The following WDFY3 variants were observed in gnomAD, a reference collection of about 807,000 sequenced individuals.
WDFY3 encodes the protein WD repeat and FYVE domain-containing protein 3.
Under a neutral mutation model 409.6 loss-of-function variants are expected in WDFY3, and 66 were observed. The observed-to-expected ratio is 0.16, with a 90% CI of 0.13 to 0.20. The LOEUF (loss-of-function observed/expected upper bound fraction) is 0.20. WDFY3 is among the 10% of genes least tolerant of loss of function. The pLI, the probability that WDFY3 is intolerant of heterozygous loss-of-function variation, is 1.00. For missense variants in WDFY3, 3,031 were observed against 4,298.1 expected, an observed-to-expected ratio of 0.71 and a Z score of 8.24; for synonymous variants, 1,521 against 1,537.1, an observed-to-expected ratio of 0.99 and a Z score of 0.25.
intron 3 of WDFY3, among the ~76,000 whole-genome samples, chr4:84,868,768 C>G (rs571893474): frequency 6.6e-6 from 1 of 152,110 alleles, no homozygotes; most frequent in Non-Finnish European, 1.5e-5. Flanking sequence ...ATCTTGGGAG[C>G]GGAAATTGCA....
chr4:84,915,405 C>G (rs1366613361), intron 2 of WDFY3, among the ~76,000 whole-genome samples: 1 of 152,068 alleles, frequency 6.6e-6, no homozygotes, highest in African/African-American at 2.4e-5. Flanking sequence ...TTAATTTGAT[C>G]TAAAGTCTAT....
chr4:84,939,717 C>T (rs1771876125), intron 1 of WDFY3, among the ~76,000 whole-genome samples: 2 of 151,520 alleles, frequency 1.3e-5, no homozygotes, highest in Non-Finnish European at 3.0e-5. Flanking sequence ...GTGACATGTT[C>T]TTATTTAAAA....
chr4:84,739,342 T>A (rs367759591), intron 39 of WDFY3: 2 of 463,856 alleles, frequency 4.3e-6, no homozygotes, highest in Non-Finnish European at 7.8e-6. Flanking sequence ...ATCAAGATTA[T>A]TACCTTAATA....
At chr4:84,943,727 A>C (rs1011975326) in intron 1 of WDFY3, among the ~76,000 whole-genome samples, 40 of 152,308 alleles carry the variant, frequency 2.6e-4, no homozygotes, top group African/African-American at 8.9e-4. Flanking sequence ...AACAAAAAAA[A>C]CTGCTCTTTA....
At chr4:84,862,630 T>C (rs1057507799) in intron 3 of WDFY3, among the ~76,000 whole-genome samples, 5 of 152,104 alleles carry the variant, frequency 3.3e-5, no homozygotes, top group Admixed American at 6.5e-5. Flanking sequence ...GTAGCTAGAG[T>C]TGATAATCTA....
chr4:84,708,788 C>A, intron 53 of WDFY3, 121 bp downstream of exon 53: 1 of 1,105,596 alleles, frequency 9.0e-7, no homozygotes, highest in Non-Finnish European at 1.3e-6. Flanking sequence ...TGATTCGCCT[C>A]TCTTAGCCTC....
intron 2 of WDFY3, among the ~76,000 whole-genome samples, chr4:84,912,123 T>A (rs1767877848): frequency 6.6e-6 from 1 of 152,160 alleles, no homozygotes; most frequent in African/African-American, 2.4e-5. Context: ...CATGTTTAGC[T>A]CAATATCATA....
At chr4:84,859,090 G>C (rs1042506559) in intron 4 of WDFY3, among the ~76,000 whole-genome samples, 1 of 151,494 alleles carries the variant, frequency 6.6e-6, no homozygotes, top group African/African-American at 2.4e-5. Context: ...AAAGGAGGAG[G>C]AAAAAGAGCG....
Position 84,880,662 on chromosome 4 carries a change from A to C in WDFY3, c.-32+16249T>G, listed in dbSNP as rs148518237. On this transcript the variant is annotated intron_variant, in intron 3 of 67. Coordinates refer to ENST00000295888, the MANE Select transcript of WDFY3 (RefSeq NM_014991.6). ...GAAAATAATAAAAGTGTTTGTCAATAAGGGAACCATACATATATATATATA... is the reference window on the plus strand; with the variant it reads ...GAAAATAATAAAAGTGTTTGTCAATCAGGGAACCATACATATATATATATA... 6.9e-3 allele frequency among the ~76,000 whole-genome samples: 791 copies of C among 114,020 alleles called. 45 individuals carry two copies. Among genetic ancestry groups the C allele is most frequent in the Admixed American group, 0.06 (624 of 10,384 alleles). The allele number at this position is 114,020 out of a possible 152,430, so 74.8% of individuals were successfully genotyped here.
intron 3 of WDFY3, among the ~76,000 whole-genome samples, chr4:84,890,721 A>T (rs1579005974): frequency 6.6e-6 from 1 of 152,226 alleles, no homozygotes; most frequent in African/African-American, 2.4e-5. Context: ...CAACCTTAAC[A>T]CTGCCACTGT....
intron 36 of WDFY3, among the ~76,000 whole-genome samples, chr4:84,749,613 C>T (rs1403318745): frequency 6.6e-6 from 1 of 152,154 alleles, no homozygotes; most frequent in African/African-American, 2.4e-5. Context: ...TGTTACACAT[C>T]ATTTTGCTTA....
intron 30 of WDFY3, among the ~76,000 whole-genome samples, chr4:84,769,374 T>C (rs570093108): frequency 2.5e-4 from 38 of 152,276 alleles, no homozygotes; most frequent in African/African-American, 8.9e-4. Context: ...GAAGAGTCCA[T>C]TGTTATAGCT....
intron 7 of WDFY3, among the ~76,000 whole-genome samples, chr4:84,835,410 G>T (rs1254299260): frequency 6.6e-6 from 1 of 152,050 alleles, no homozygotes; most frequent in Non-Finnish European, 1.5e-5. Flanking sequence ...ATCTAATTCA[G>T]GAATCAGATA....
intron 4 of WDFY3, among the ~76,000 whole-genome samples, chr4:84,856,100 G>A (rs912471758): frequency 2.0e-5 from 3 of 152,122 alleles, no homozygotes; most frequent in Non-Finnish European, 2.9e-5. Context: ...TAATAAAGCT[G>A]CCACAAAATA....
intron 1 of WDFY3, among the ~76,000 whole-genome samples, chr4:84,955,578 G>A (rs1173134457): frequency 6.6e-6 from 1 of 152,058 alleles, no homozygotes; most frequent in Non-Finnish European, 1.5e-5. Flanking sequence ...ATATAAATCA[G>A]TTATTGTACT....
chr4:84,869,379 G>A (rs1761869973), intron 3 of WDFY3, among the ~76,000 whole-genome samples: 1 of 151,966 alleles, frequency 6.6e-6, no homozygotes, highest in African/African-American at 2.4e-5. Flanking sequence ...CTGCATTCCT[G>A]GCCTATACAC....
chr4:84,801,942 C>T (rs1441847284), intron 16 of WDFY3, 78 bp from the exon 17 acceptor site: 3 of 1,422,748 alleles, frequency 2.1e-6, no homozygotes, highest in Non-Finnish European at 2.9e-6. Context: ...ATGAAGCATA[C>T]CTTTTTAATT....
In WDFY3 at chr4:84,677,103, G is replaced by A. The variant is rs962276998; in HGVS notation, c.10457+96C>T. ...CATACCAACAAGGCATACTGTAGTG[G>A]GGACGCCAGGGCAAATCAGAACCTG... On this transcript the variant is annotated intron_variant, in intron 67 of 67. Coordinates refer to ENST00000295888, the MANE Select transcript of WDFY3 (RefSeq NM_014991.6). 2.3e-5 allele frequency: 32 copies of A among 1,419,630 alleles called. No homozygotes were observed. The East Asian group carries it at 7.2e-4, about 32-fold the overall frequency. The allele number at this position is 1,419,630 out of a possible 1,614,324, so 87.9% of individuals were successfully genotyped here.
chr4:84,759,212 C>T (rs1054045283), intron 32 of WDFY3, among the ~76,000 whole-genome samples: 5 of 152,204 alleles, frequency 3.3e-5, no homozygotes, highest in South Asian at 2.1e-4. Flanking sequence ...TGTAGCCTTG[C>T]AGTAGAGTTT....
Sources: allele counts gnomAD v4.1 joint callset (sites outside exome capture counted in the v4.1 genomes callset), GRCh38; gene constraint gnomAD v4.1.1; transcripts MANE v1.5; gene names NCBI Gene and HGNC (gene_info 2026-07-23, HGNC 2026-07-21).